The following CHCHD7 variants were observed in gnomAD, a reference collection of about 807,000 sequenced individuals.
CHCHD7 encodes the protein coiled-coil-helix-coiled-coil-helix domain-containing protein 7.
CHCHD7 carries 7 observed loss-of-function variants against 10.5 expected under a neutral mutation model. The observed-to-expected ratio is 0.67, with a 90% CI of 0.38 to 1.25. The LOEUF is 1.25. Among genes scored for constraint, CHCHD7 ranks in the 50% most tolerant of loss-of-function variants. CHCHD7 has a pLI of 0.02. For synonymous variants in CHCHD7, 40 were observed against 36.0 expected, an observed-to-expected ratio of 1.11 and a Z score of -0.40; for missense variants, 100 against 104.5, an observed-to-expected ratio of 0.96 and a Z score of 0.19.
In CHCHD7 at chr8:56,216,453, A is replaced by G; in HGVS notation, c.75A>G (p.Arg25=). The G allele has an allele frequency of 6.2e-7, 1 of 1,614,076 alleles. No homozygotes were observed. Among genetic ancestry groups the G allele is most frequent in the South Asian group, 1.1e-5 (1 of 91,078 alleles). The part of the protein sequence containing the change: ...PCLSESDAST[R]CLDENNYDRE... ...GTAAGGAATCTGATGCTTCCACCAG[A>G]TGTCTGGATGAAAATAACTATGACA... is the stretch of plus-strand genomic sequence containing the variant. The change falls in exon 3 of 4, where the codon AGA becomes AGG. Residue 25 remains arginine, a synonymous_variant. Coordinates refer to ENST00000355315, the MANE Select transcript of CHCHD7 (RefSeq NM_001011671.3).
chr8:56,212,329 C>T (rs1813044949), intron 1 of CHCHD7: 1 of 153,148 alleles, frequency 6.5e-6, no homozygotes, highest in Non-Finnish European at 1.5e-5. Context: ...CACTTTGCAC[C>T]TGGCAGTGGG....
intron 1 of CHCHD7, 50 bp downstream of exon 1, chr8:56,211,887 A>G (rs1812976572): frequency 6.6e-6 from 1 of 152,426 alleles, no homozygotes; most frequent in Admixed American, 6.5e-5. Flanking sequence ...AAAAGCGGGG[A>G]GAGAGGGGTG....
At position 56,218,753 on chromosome 8, in the gene CHCHD7, C is replaced by T. The variant is rs1813502436; in HGVS notation, c.*1318C>T. 5.2e-6 allele frequency: 1 copy of T among 193,370 alleles called. No individual in the cohort carries two copies. Among genetic ancestry groups the T allele is most frequent in the Non-Finnish European group, 1.1e-5 (1 of 92,666 alleles). The allele number at this position is 193,370 out of a possible 1,614,324, so 12.0% of individuals were successfully genotyped here. A position where few individuals can be genotyped will look rare whatever the true frequency, so the allele number is the denominator to read the frequency against. On this transcript the variant is annotated 3_prime_UTR_variant, in exon 4 of 4. Coordinates refer to ENST00000355315, the MANE Select transcript of CHCHD7 (RefSeq NM_001011671.3). ...GTTAAAGGGCTTGGAATTTTAATGT[C>T]ACTCCTTTGAAGGTACATACCAATA...
chr8:56,214,843 C>G, intron 2 of CHCHD7, 176 bp downstream of exon 2: 1 of 494,144 alleles, frequency 2.0e-6, no homozygotes, highest in Non-Finnish European at 3.7e-6. Context: ...ATTTCTCTAA[C>G]AAACATTCAT....
At chr8:56,216,340 A>C in intron 2 of CHCHD7, 93 bp from the exon 3 acceptor site, 2 of 1,556,904 alleles carry the variant, frequency 1.3e-6, no homozygotes, top group Non-Finnish European at 1.7e-6. Context: ...ATTTCACATT[A>C]TTTGCTTCTG....
chr8:56,211,994 TC>T (rs1427830358), intron 1 of CHCHD7, 157 bp downstream of exon 1: 1 of 152,776 alleles, frequency 6.5e-6, no homozygotes, highest in Non-Finnish European at 1.5e-5. Context: ...TTGCTCTTCC[TC>T]CCGCCACACG....
At chr8:56,212,932 G>C in intron 1 of CHCHD7, 1 of 1,486,902 alleles carries the variant, frequency 6.7e-7, no homozygotes, top group Non-Finnish European at 9.4e-7. Context: ...AAGAATTTCT[G>C]ACTGACAATA....
In CHCHD7 at chr8:56,216,776, A is replaced by G. The variant is rs892621877; in HGVS notation, c.153+245A>G. On this transcript the variant is annotated intron_variant, in intron 3 of 3. Coordinates refer to ENST00000355315, the MANE Select transcript of CHCHD7 (RefSeq NM_001011671.3). ...ATAGGTGGGTCTTCTTAGACATTTA[A>G]GTATCTGCAGCCCTAAAACAATGTC... 4.3e-6 allele frequency: 3 copies of G among 699,720 alleles called. No homozygotes were observed. The Admixed American group carries it at 6.0e-5, about 14-fold the overall frequency. The allele number at this position is 699,720 out of a possible 1,614,324, so 43.3% of individuals were successfully genotyped here.
chr8:56,214,448 T>A (rs1295501806), intron 1 of CHCHD7, 150 bp from the exon 2 acceptor site: 1 of 532,924 alleles, frequency 1.9e-6, no homozygotes, highest in Non-Finnish European at 3.4e-6. Flanking sequence ...TTCAAGTTTT[T>A]ATTCACAAAG....
At chr8:56,212,852 T>G in intron 1 of CHCHD7, 1 of 1,605,724 alleles carries the variant, frequency 6.2e-7, no homozygotes, top group Non-Finnish European at 8.5e-7. Flanking sequence ...GAAAAGGAAA[T>G]GAAATGTGAA....
chr8:56,216,333 T>A, intron 2 of CHCHD7, 100 bp from the exon 3 acceptor site: 1 of 1,537,502 alleles, frequency 6.5e-7, no homozygotes. Flanking sequence ...ATGAACTATT[T>A]CACATTATTT....
In CHCHD7 at chr8:56,216,102, G is replaced by A. The variant is rs1355016314; in HGVS notation, c.55-331G>A. On this transcript the variant is annotated intron_variant, in intron 2 of 3. Coordinates refer to ENST00000355315, the MANE Select transcript of CHCHD7 (RefSeq NM_001011671.3). ...CAGGAGATGGATTCTGATTCTAGTT[G>A]TGCAGTAGTCATTTAACACATTGCA... Among the ~76,000 whole-genome samples the A allele has an allele frequency of 2.0e-5, 3 of 152,326 alleles. No individual in the cohort carries two copies. The East Asian group carries it at 5.8e-4, about 29-fold the overall frequency.
rs777965569 is a variant in CHCHD7 at position 56,216,486 on chromosome 8, G to A, written c.108G>A (p.Arg36=). 3 of 1,614,146 alleles carry A rather than the reference G, an allele frequency of 1.9e-6. No homozygotes were observed. The highest frequency in any genetic ancestry group is 2.5e-6 in the Non-Finnish European group (3 of 1,180,010). ...ATGAAAATAACTATGACAGGGAAAG[G>A]TGTTCCACTTACTTCTTGAGGTACA... The part of the protein sequence containing the change: ...CLDENNYDRE[R]CSTYFLRYKN... Residue 36 remains arginine (R), a synonymous_variant, in exon 3 of 4, where the codon AGG becomes AGA. Coordinates refer to ENST00000355315, the MANE Select transcript of CHCHD7 (RefSeq NM_001011671.3).
intron 3 of CHCHD7, chr8:56,217,005 A>G: frequency 2.4e-6 from 1 of 421,124 alleles, no homozygotes; most frequent in Non-Finnish European, 4.4e-6. Context: ...TCGCTTTGCT[A>G]AATGCACTGT....
chr8:56,216,248 C>A, intron 2 of CHCHD7, 185 bp from the exon 3 acceptor site: 1 of 848,390 alleles, frequency 1.2e-6, no homozygotes, highest in Non-Finnish European at 1.8e-6. Flanking sequence ...AGATGTTAGC[C>A]TGAGCAGAGT....
rs1451051627 is a variant in CHCHD7 at position 56,218,601 on chromosome 8, AAATG to A, written c.*1170_*1173del. 1.5e-5 allele frequency: 3 copies of A among 203,100 alleles called. No homozygotes were observed. Among genetic ancestry groups the A allele is most frequent in the African/African-American group, 2.3e-5 (1 of 43,626 alleles). 12.6% of individuals were successfully genotyped at this position (203,100 alleles called of 1,614,324 possible). On this transcript the variant is annotated 3_prime_UTR_variant, in exon 4 of 4. Transcript: ENST00000355315. ...TTAAATGTAGTTATATTTGAATAAA[AAATG>A]AATCATTTCCAAAATTCTTTTGATT...
At chr8:56,216,778 T>C (rs1813374545) in intron 3 of CHCHD7, 3 of 699,454 alleles carry the variant, frequency 4.3e-6, no homozygotes, top group South Asian at 3.0e-5. Context: ...GACATTTAAG[T>C]ATCTGCAGCC....
At chr8:56,212,870 A>T in intron 1 of CHCHD7, 3 of 1,607,940 alleles carry the variant, frequency 1.9e-6, no homozygotes, top group Non-Finnish European at 2.6e-6. Context: ...GAAGAAACTC[A>T]TGCACCAAAC....
chr8:56,213,112 C>G (rs1250902507), intron 1 of CHCHD7: 2 of 388,142 alleles, frequency 5.2e-6, no homozygotes, highest in Admixed American at 4.4e-5. Flanking sequence ...ATCATCATCT[C>G]TCTTAGGAAG....
Sources: gnomAD v4.1 joint callset for allele counts (sites outside exome capture counted in the v4.1 genomes callset) on GRCh38, gnomAD v4.1.1 for gene constraint, MANE v1.5 for transcripts, NCBI Gene and HGNC (gene_info 2026-07-23, HGNC 2026-07-21) for gene names.